DCBLD2: variants seen among roughly 807,000 people sequenced by gnomAD.
The protein encoded by DCBLD2 is discoidin, CUB and LCCL domain containing 2.
DCBLD2 carries 54 observed loss-of-function variants against 86.8 expected under a neutral mutation model. The ratio of observed to expected loss-of-function variants is 0.62; its 90% confidence interval spans 0.50 to 0.78. DCBLD2 has a LOEUF of 0.78. Among genes scored for constraint, DCBLD2 ranks in the 30% least tolerant of loss-of-function variants. The probability of loss-of-function intolerance (pLI) is 0.00; values close to 1 mark genes in which losing one functional copy is unlikely to be tolerated. For missense variants in DCBLD2, 908 were observed against 954.2 expected, an observed-to-expected ratio of 0.95 and a Z score of 0.64; for synonymous variants, 354 against 341.3, an observed-to-expected ratio of 1.04 and a Z score of -0.41.
intron 3 of DCBLD2, among the ~76,000 whole-genome samples, chr3:98,839,592 G>A (rs887906767): frequency 3.9e-5 from 6 of 152,178 alleles, no homozygotes; most frequent in African/African-American, 9.7e-5. Flanking sequence ...CCTAGTAAAA[G>A]AGCCAGGGCT....
chr3:98,804,164 T>C (rs1941785541), intron 13 of DCBLD2, among the ~76,000 whole-genome samples: 1 of 152,228 alleles, frequency 6.6e-6, no homozygotes, highest in African/African-American at 2.4e-5. Context: ...CGGCTATGAA[T>C]CCGTCTGGTC....
At chr3:98,803,592 G>A (rs1941770972) in intron 13 of DCBLD2, among the ~76,000 whole-genome samples, 1 of 152,198 alleles carries the variant, frequency 6.6e-6, no homozygotes, top group African/African-American at 2.4e-5. Context: ...TTGAATAGGA[G>A]TGGTGAGAGA....
At chr3:98,899,082 TAAA>T (rs5851142) in intron 1 of DCBLD2, among the ~76,000 whole-genome samples, 4 of 147,470 alleles carry the variant, frequency 2.7e-5, no homozygotes, top group South Asian at 4.3e-4. Flanking sequence ...TTAGAAGAAC[TAAA>T]AAAAAAAAAA....
At chr3:98,858,404 G>C (rs1055546774) in intron 2 of DCBLD2, among the ~76,000 whole-genome samples, 7 of 152,262 alleles carry the variant, frequency 4.6e-5, no homozygotes, top group Non-Finnish European at 1.0e-4. Context: ...GGCTCCTCAA[G>C]TGCTGCCAAA....
At chr3:98,869,443 G>GT (rs1232693385) in intron 2 of DCBLD2, among the ~76,000 whole-genome samples, 1 of 152,158 alleles carries the variant, frequency 6.6e-6, no homozygotes, top group Non-Finnish European at 1.5e-5. Flanking sequence ...AAGCTTTTCA[G>GT]TTTGAGTCCC....
chr3:98,802,714 T>C (rs1201118084), intron 13 of DCBLD2, among the ~76,000 whole-genome samples: 1 of 152,178 alleles, frequency 6.6e-6, no homozygotes, highest in African/African-American at 2.4e-5. Flanking sequence ...CCATCTTGAA[T>C]TAATTTTTGT....
At chr3:98,829,067 T>C (rs1942275948) in intron 3 of DCBLD2, among the ~76,000 whole-genome samples, 1 of 152,210 alleles carries the variant, frequency 6.6e-6, no homozygotes, top group Non-Finnish European at 1.5e-5. Context: ...TTTGGGGTGA[T>C]AAATATGTTC....
At chr3:98,867,727 A>G (rs553799318) in intron 2 of DCBLD2, among the ~76,000 whole-genome samples, 8 of 150,970 alleles carry the variant, frequency 5.3e-5, no homozygotes, top group Non-Finnish European at 1.0e-4. Context: ...AGACTTCTCA[A>G]AAAACAATAT....
chr3:98,857,049 G>C (rs1160723086), intron 2 of DCBLD2, among the ~76,000 whole-genome samples: 1 of 152,208 alleles, frequency 6.6e-6, no homozygotes, highest in Non-Finnish European at 1.5e-5. Flanking sequence ...GGCATGTCCG[G>C]AGTTTGTTCT....
At chr3:98,807,011 G>A (rs1394033249) in intron 13 of DCBLD2, among the ~76,000 whole-genome samples, 1 of 151,952 alleles carries the variant, frequency 6.6e-6, no homozygotes, top group African/African-American at 2.4e-5. Context: ...CTTCAAAACT[G>A]CCACCATCTT....
chr3:98,848,737 G>A (rs1182929731), intron 3 of DCBLD2, among the ~76,000 whole-genome samples: 1 of 152,136 alleles, frequency 6.6e-6, no homozygotes, highest in African/African-American at 2.4e-5. Context: ...GCACTCCTCA[G>A]GTACTCCTGG....
At chr3:98,838,869 AC>A (rs567382700) in intron 3 of DCBLD2, among the ~76,000 whole-genome samples, 237 of 151,952 alleles carry the variant, frequency 1.6e-3, no homozygotes, top group Admixed American at 6.2e-3. Flanking sequence ...ACACAGCGAA[AC>A]CCCGTCTCCA....
At chr3:98,818,865 C>T (rs1036690838) in intron 8 of DCBLD2, among the ~76,000 whole-genome samples, 1 of 152,154 alleles carries the variant, frequency 6.6e-6, no homozygotes, top group African/African-American at 2.4e-5. Context: ...TTTTGGGACT[C>T]GGAATGGCTT....
chr3:98,830,946 C>T (rs964113046), intron 3 of DCBLD2, among the ~76,000 whole-genome samples: 1 of 152,168 alleles, frequency 6.6e-6, no homozygotes, highest in African/African-American at 2.4e-5. Flanking sequence ...TTGTAGAGAT[C>T]ATTCACCTCC....
chr3:98,825,646 TATATATA>T (rs1942204247), intron 3 of DCBLD2, among the ~76,000 whole-genome samples: 3 of 15,236 alleles, frequency 2.0e-4, no homozygotes, highest in African/African-American at 1.3e-3. Flanking sequence ...TGTGTATTTA[TATATATA>T]TATATATATA....
At chr3:98,860,010 A>G (rs1239870491) in intron 2 of DCBLD2, among the ~76,000 whole-genome samples, 2 of 152,238 alleles carry the variant, frequency 1.3e-5, no homozygotes, top group Non-Finnish European at 2.9e-5. Flanking sequence ...TAGAATAACC[A>G]GTGTAGAGAA....
chr3:98,890,985 A>C (rs1389253719), intron 1 of DCBLD2, among the ~76,000 whole-genome samples: 1 of 152,088 alleles, frequency 6.6e-6, no homozygotes, highest in Admixed American at 6.6e-5. Context: ...AACAACCTCC[A>C]CATGTCCAGC....
intron 3 of DCBLD2, among the ~76,000 whole-genome samples, chr3:98,835,647 T>C (rs1361275671): frequency 4.0e-5 from 6 of 149,152 alleles, no homozygotes; most frequent in Non-Finnish European, 7.4e-5. Context: ...CCTCCCGGAT[T>C]CAAGCGATTC....
rs1335405650 is a variant in DCBLD2 at position 98,797,308 on chromosome 3, A to C, written c.*2064T>G. 6.6e-6 allele frequency: 1 copy of C among 152,062 alleles called. No individual in the cohort carries two copies. The highest frequency in any genetic ancestry group is 1.9e-4 in the East Asian group (1 of 5,192). The allele number at this position is 152,062 out of a possible 1,614,324, so 9.4% of individuals were successfully genotyped here. On this transcript the variant is annotated 3_prime_UTR_variant, in exon 16 of 16. Transcript: ENST00000326840. ...AAAAAACCCAAAACTAAACAACAAC[A>C]ACAAAAACCTCCAGGAAAAAACAAT...
Sources: gnomAD v4.1 joint callset for allele counts (sites outside exome capture counted in the v4.1 genomes callset) on GRCh38, gnomAD v4.1.1 for gene constraint, MANE v1.5 for transcripts, NCBI Gene and HGNC (gene_info 2026-07-23, HGNC 2026-07-21) for gene names.